MROH9: variants seen among roughly 807,000 people sequenced by gnomAD.
MROH9 encodes maestro heat like repeat family member 9, also known as maestro heat-like repeat-containing protein family member 9.
A neutral mutation model predicts 98.2 loss-of-function variants in MROH9; 92 were observed. The observed-to-expected ratio is 0.94, with a 90% CI of 0.79 to 1.11. MROH9 has a LOEUF of 1.11. MROH9 is among the 50% of genes most tolerant of loss of function. MROH9 has a pLI of 0.00. For synonymous variants in MROH9, 397 were observed against 368.9 expected (o/e 1.08, Z -0.87); for missense variants, 1,057 against 1,014.8 (o/e 1.04, Z -0.57).
chr1:170,964,250 T>C (rs1472878394), intron 6 of MROH9, among the ~76,000 whole-genome samples: 2 of 152,080 alleles, frequency 1.3e-5, no homozygotes, highest in African/African-American at 2.4e-5. Context: ...CCCTCTAGCT[T>C]GGAAGCCTGT....
At chr1:171,004,619 C>G (rs1295791034) in intron 15 of MROH9, among the ~76,000 whole-genome samples, 1 of 152,194 alleles carries the variant, frequency 6.6e-6, no homozygotes, top group Non-Finnish European at 1.5e-5. Context: ...CTTCCGGGTC[C>G]TGCAGGAGCT....
intron 3 of MROH9, among the ~76,000 whole-genome samples, chr1:170,953,016 A>G (rs993823925): frequency 1.3e-5 from 2 of 152,048 alleles, no homozygotes; most frequent in African/African-American, 4.8e-5. Flanking sequence ...AATTATTCAC[A>G]CTATCAGAGG....
chr1:171,038,407 C>T (rs1452909952), intron 20 of MROH9, among the ~76,000 whole-genome samples: 1 of 152,130 alleles, frequency 6.6e-6, no homozygotes, highest in African/African-American at 2.4e-5. Flanking sequence ...CTGGTGAGAC[C>T]ATAAATCATT....
At chr1:170,969,532 A>G (rs564475835) in intron 7 of MROH9, among the ~76,000 whole-genome samples, 1 of 152,336 alleles carries the variant, frequency 6.6e-6, no homozygotes, top group East Asian at 1.9e-4. Context: ...GAAGAATGGA[A>G]TTGAGATAGA....
At chr1:171,026,095 A>C (rs1234254053) in intron 20 of MROH9, among the ~76,000 whole-genome samples, 1 of 152,176 alleles carries the variant, frequency 6.6e-6, no homozygotes. Flanking sequence ...TCATACATAT[A>C]GAGAGGAGGC....
At chr1:171,020,231 T>C (rs1329352504) in intron 17 of MROH9, among the ~76,000 whole-genome samples, 2 of 152,134 alleles carry the variant, frequency 1.3e-5, no homozygotes, top group African/African-American at 4.8e-5. Context: ...TCCAAACAAT[T>C]GAAAAGGAGG....
rs370091312 is a variant in MROH9 at position 171,044,180 on chromosome 1, TA to T, written c.2282-17951del. 4.7e-3 allele frequency among the ~76,000 whole-genome samples: 713 copies of T among 152,306 alleles called. 6 individuals carry two copies. Among genetic ancestry groups the T allele is most frequent in the Middle Eastern group, 0.044 (13 of 294 alleles). Reference sequence around the variant, plus strand: ...TTTAAGGGTTTTTATCATGAAGGGATATTAAATTATCAAATGCTTCTTCAGC... The same window carrying T: ...TTTAAGGGTTTTTATCATGAAGGGATTTAAATTATCAAATGCTTCTTCAGC... On this transcript the variant is annotated intron_variant, in intron 20 of 21. Coordinates refer to ENST00000367759, the MANE Select transcript of MROH9 (RefSeq NM_001163629.2).
Position 171,064,291 on chromosome 1 carries a change from T to G in MROH9, c.2537T>G (p.Ile846Arg). The change falls in exon 22 of 22, where the codon ATA becomes AGA. Residue 846 changes from isoleucine (I) to arginine (R), a missense_variant. Transcript: ENST00000367759. ...LYNYNSPNGQ[I>R]DSPTDSKDVK... ...AATTATAACTCACCCAATGGCCAGA[T>G]AGACAGTCCTACAGACAGTAAAGAT... 1 of 1,551,152 alleles carries G rather than the reference T, an allele frequency of 6.4e-7. No homozygotes were observed. Among genetic ancestry groups the G allele is most frequent in the Non-Finnish European group, 8.7e-7 (1 of 1,146,690 alleles).
Position 171,044,972 on chromosome 1 carries a change from C to CTTTTTTTTTTTTTTTTTTTTTTTTTTTTT in MROH9, c.2282-17141_2282-17113dup, listed in dbSNP as rs754332732. Among the ~76,000 whole-genome samples the CTTTTTTTTTTTTTTTTTTTTTTTTTTTTT allele has an allele frequency of 8.8e-5, 4 of 45,712 alleles. 2 individuals are homozygous for CTTTTTTTTTTTTTTTTTTTTTTTTTTTTT. The highest frequency in any genetic ancestry group is 1.8e-4 in the Non-Finnish European group (4 of 22,272). 30.0% of individuals were successfully genotyped at this position (45,712 alleles called of 152,430 possible). A position where few individuals can be genotyped will look rare whatever the true frequency, so the allele number is the denominator to read the frequency against. ...CAATTCCATTTATTTCTGCTCTGAT[C>CTTTTTTTTTTTTTTTTTTTTTTTTTTTTT]TTTTTTTTTTTTTTTTTTTTTTTTT... is the stretch of plus-strand genomic sequence containing the variant. On this transcript the variant is annotated intron_variant, in intron 20 of 21. Transcript: ENST00000367759.
chr1:170,938,234 G>C (rs1440128833), intron 1 of MROH9, among the ~76,000 whole-genome samples: 1 of 152,238 alleles, frequency 6.6e-6, no homozygotes, highest in African/African-American at 2.4e-5. Context: ...TCCCCTGATG[G>C]AAGAATTCTT....
At chr1:171,012,579 C>T (rs534070201) in intron 15 of MROH9, among the ~76,000 whole-genome samples, 14 of 150,568 alleles carry the variant, frequency 9.3e-5, no homozygotes, top group South Asian at 2.1e-4. Flanking sequence ...CTCGGCTCAC[C>T]GCAAGCTCCG....
At chr1:170,953,973 T>C (rs1449541500) in intron 3 of MROH9, among the ~76,000 whole-genome samples, 2 of 152,006 alleles carry the variant, frequency 1.3e-5, no homozygotes, top group Non-Finnish European at 1.5e-5. Context: ...AGGTCACAAG[T>C]CATTTTCTCT....
At chr1:170,943,960 A>C (rs920778227) in intron 1 of MROH9, among the ~76,000 whole-genome samples, 4 of 152,084 alleles carry the variant, frequency 2.6e-5, no homozygotes, top group African/African-American at 9.7e-5. Context: ...ATTGTTACAG[A>C]ACTGAATGTA....
chr1:171,004,922 T>C (rs79804523), intron 15 of MROH9, among the ~76,000 whole-genome samples: 35 of 152,304 alleles, frequency 2.3e-4, no homozygotes, highest in African/African-American at 7.7e-4. Context: ...ATCCCAACTT[T>C]ATTGTTTTTC....
At chr1:171,005,146 C>T (rs1651914176) in intron 15 of MROH9, among the ~76,000 whole-genome samples, 1 of 152,112 alleles carries the variant, frequency 6.6e-6, no homozygotes, top group African/African-American at 2.4e-5. Flanking sequence ...CTTACTGCAA[C>T]CTGTGTCCTC....
At chr1:170,957,918 C>T (rs1013964682) in intron 3 of MROH9, among the ~76,000 whole-genome samples, 23 of 152,002 alleles carry the variant, frequency 1.5e-4, no homozygotes, top group African/African-American at 5.3e-4. Flanking sequence ...ACGCCATTCT[C>T]CTGCCTCGGT....
At chr1:170,953,930 G>A (rs943677632) in intron 3 of MROH9, among the ~76,000 whole-genome samples, 1 of 151,338 alleles carries the variant, frequency 6.6e-6, no homozygotes, top group African/African-American at 2.4e-5. Flanking sequence ...CGTGAAAAGA[G>A]TCATCACCAA....
chr1:171,012,625 C>T (rs1281429350), intron 15 of MROH9, among the ~76,000 whole-genome samples: 3 of 151,646 alleles, frequency 2.0e-5, no homozygotes, highest in Non-Finnish European at 4.4e-5. Context: ...GCCTCAGCCT[C>T]CCAAGTAGCT....
intron 20 of MROH9, among the ~76,000 whole-genome samples, chr1:171,060,377 A>G (rs1392348395): frequency 6.6e-6 from 1 of 152,190 alleles, no homozygotes; most frequent in Non-Finnish European, 1.5e-5. Context: ...GTATAGATTC[A>G]ATGTATTCCC....
Sources: allele counts gnomAD v4.1 joint callset (sites outside exome capture counted in the v4.1 genomes callset), GRCh38; gene constraint gnomAD v4.1.1; transcripts MANE v1.5; gene names NCBI Gene and HGNC (gene_info 2026-07-23, HGNC 2026-07-21).